Variants in DNAJA2 observed in about 807,000 individuals in gnomAD.
DNAJA2 encodes DnaJ heat shock protein family (Hsp40) member A2.
In DNAJA2, 6 loss-of-function variants were observed where a neutral mutation model predicts 49.3. The ratio of observed to expected loss-of-function variants is 0.12; its 90% CI spans 0.07 to 0.24. DNAJA2 has a LOEUF of 0.24. Among genes scored for constraint, DNAJA2 ranks in the 10% least tolerant of loss-of-function variants. DNAJA2 has a pLI of 1.00. For missense variants in DNAJA2, 347 were observed against 516.8 expected, an observed-to-expected ratio of 0.67 and a Z score of 3.19; for synonymous variants, 160 against 172.7, an observed-to-expected ratio of 0.93 and a Z score of 0.58.
At chr16:46,971,747 T>C in intron 2 of DNAJA2, 149 bp downstream of exon 2, 2 of 907,850 alleles carry the variant, frequency 2.2e-6, no homozygotes. Context: ...GTAGTACTCT[T>C]ATTCTAAAAC....
chr16:46,968,262 T>A, intron 3 of DNAJA2, 98 bp from the exon 4 acceptor site: 1 of 747,454 alleles, frequency 1.3e-6, no homozygotes, highest in Non-Finnish European at 2.2e-6. Context: ...TATCAACTTT[T>A]AAAACAGAAT....
chr16:46,957,092 A>G lies in DNAJA2; in HGVS notation c.1176T>C (p.Asn392=). The G allele has an allele frequency of 1.2e-6, 2 of 1,614,198 alleles. No individual in the cohort carries two copies. The highest frequency in any genetic ancestry group is 1.7e-6 in the Non-Finnish European group (2 of 1,180,054). Residue 392 remains asparagine (N), a synonymous_variant, in exon 9 of 9, where the codon AAT becomes AAC. Coordinates refer to ENST00000317089, the MANE Select transcript of DNAJA2 (RefSeq NM_005880.4). ...SGGGQRREAY[N]DSSDEESSSH... ...TGCTGCTTTCTTCATCAGAGCTATC[A>G]TTATAGGCTTCACGCCTCTGACCAC...
At position 46,960,566 on chromosome 16, in the gene DNAJA2, G is replaced by C. The variant is rs559412027; in HGVS notation, c.775-1147C>G. 3.2e-3 allele frequency among the ~76,000 whole-genome samples: 485 copies of C among 152,094 alleles called. 1 individual carries two copies. The highest frequency in any genetic ancestry group is 5.5e-3 in the Non-Finnish European group (375 of 67,998). On this transcript the variant is annotated intron_variant, in intron 6 of 8. Transcript: ENST00000317089. Reference sequence around the variant, plus strand: ...GAGGCCAAGGCAGGCGGATCACAAGGTCAGGAGTTCAAGACCAGCCTGGCC... The same window carrying C: ...GAGGCCAAGGCAGGCGGATCACAAGCTCAGGAGTTCAAGACCAGCCTGGCC...
At chr16:46,959,964 A>G (rs1049950772) in intron 6 of DNAJA2, among the ~76,000 whole-genome samples, 1 of 152,232 alleles carries the variant, frequency 6.6e-6, no homozygotes, top group Non-Finnish European at 1.5e-5. Flanking sequence ...TCAATATTAC[A>G]CTATAAGCCT....
At chr16:46,966,051 C>A (rs1323609054) in intron 5 of DNAJA2, among the ~76,000 whole-genome samples, 1 of 151,828 alleles carries the variant, frequency 6.6e-6, no homozygotes, top group Non-Finnish European at 1.5e-5. Context: ...TGGCAAAACC[C>A]CATCTCTACA....
At chr16:46,972,779 CAAT>C (rs1962072557) in intron 1 of DNAJA2, 1 of 152,240 alleles carries the variant, frequency 6.6e-6, no homozygotes, top group Non-Finnish European at 1.5e-5. Context: ...TTGCAAATAG[CAAT>C]AATAAGGCCT....
rs1292303066 is a variant in DNAJA2 at position 46,973,435 on chromosome 16, G to A, written c.78+60C>T. 6 of 1,490,708 alleles carry A rather than the reference G, an allele frequency of 4.0e-6. No homozygotes were observed. The African/African-American group carries it at 5.8e-5, about 14-fold the overall frequency. The allele number at this position is 1,490,708 out of a possible 1,614,324, so 92.3% of individuals were successfully genotyped here. ...CCAGTAGCGCGGCCTGGCTGAAGAA[G>A]ACATCCCTGGCCGCGCAGGCCCCGC... On this transcript the variant is annotated intron_variant, in intron 1 of 8. Coordinates refer to ENST00000317089, the MANE Select transcript of DNAJA2 (RefSeq NM_005880.4).
chr16:46,967,328 C>A (rs560414216), intron 5 of DNAJA2, among the ~76,000 whole-genome samples, 185 bp downstream of exon 5: 1 of 152,262 alleles, frequency 6.6e-6, no homozygotes, highest in South Asian at 2.1e-4. Context: ...AACTCCTGGG[C>A]TCGAGCAATC....
chr16:46,967,384 C>T (rs2055253051), intron 5 of DNAJA2, 129 bp downstream of exon 5: 4 of 1,228,492 alleles, frequency 3.3e-6, no homozygotes, highest in Admixed American at 2.7e-5. Flanking sequence ...TGAGCTAACG[C>T]ACCCGGCCTC....
At position 46,959,297 on chromosome 16, in the gene DNAJA2, G is replaced by A. The variant is rs753805726; in HGVS notation, c.897C>T (p.Pro299=). ...TACCTGGTTCAATTACTTTGCCAGG[G>A]GGGTATTTCACCACAATCTGACGTC... ...LDGRQIVVKY[P]PGKVIEPGCV... Residue 299 remains proline (P), a synonymous_variant, in exon 7 of 9, where the codon CCC becomes CCT. Coordinates refer to ENST00000317089, the MANE Select transcript of DNAJA2 (RefSeq NM_005880.4). 4 of 1,613,394 alleles carry A rather than the reference G, an allele frequency of 2.5e-6. No homozygotes were observed. Among genetic ancestry groups the A allele is most frequent in the Non-Finnish European group, 3.4e-6 (4 of 1,179,862 alleles).
intron 6 of DNAJA2, chr16:46,959,644 G>C: frequency 2.2e-6 from 1 of 464,860 alleles, no homozygotes; most frequent in South Asian, 3.3e-5. Flanking sequence ...GGTAAACAAT[G>C]GCATATATAA....
intron 6 of DNAJA2, among the ~76,000 whole-genome samples, chr16:46,961,795 G>A (rs1002458163): frequency 1.3e-5 from 2 of 151,648 alleles, no homozygotes; most frequent in African/African-American, 4.8e-5. Flanking sequence ...GATTAATGAG[G>A]AGGGACCACC....
rs552254057 is a variant in DNAJA2 at position 46,965,703 on chromosome 16, C to T, written c.578-896G>A. Reference sequence around the variant, plus strand: ...AAAATCAGCCGGGCGTGGTGGCAGGCGCCTGTAATCCCAGCTACTCAGGAG... The same window carrying T: ...AAAATCAGCCGGGCGTGGTGGCAGGTGCCTGTAATCCCAGCTACTCAGGAG... On this transcript the variant is annotated intron_variant, in intron 5 of 8. Transcript: ENST00000317089. Among the ~76,000 whole-genome samples the T allele has an allele frequency of 3.8e-4, 58 of 151,686 alleles. No individual in the cohort carries two copies. The South Asian group carries it at 0.012, about 31-fold the overall frequency.
At chr16:46,971,212 C>T (rs1654241108) in intron 3 of DNAJA2, 137 bp downstream of exon 3, 1 of 638,564 alleles carries the variant, frequency 1.6e-6, no homozygotes, top group Admixed American at 3.5e-5. Flanking sequence ...TCAATTTAGT[C>T]ACCAAAAGAA....
In DNAJA2 at chr16:46,957,197, A is replaced by C; in HGVS notation, c.1071T>G (p.Ser357=). The change falls in exon 9 of 9, where the codon TCT becomes TCG. Residue 357 remains serine (S), a synonymous_variant. Coordinates refer to ENST00000317089, the MANE Select transcript of DNAJA2 (RefSeq NM_005880.4). ...KLSELEDLLP[S]RPEVPNIIGE... is the part of the protein sequence containing the mutation. ...CAATTATGTTAGGAACTTCCGGTCTAGATGGCAGAAGATCTTCTAGTTCCT... is the reference window on the plus strand; with the variant it reads ...CAATTATGTTAGGAACTTCCGGTCTCGATGGCAGAAGATCTTCTAGTTCCT... The C allele has an allele frequency of 6.2e-7, 1 of 1,603,558 alleles. No individual in the cohort carries two copies. Among genetic ancestry groups the C allele is most frequent in the Non-Finnish European group, 8.5e-7 (1 of 1,175,886 alleles).
chr16:46,965,295 C>T (rs1257052164), intron 5 of DNAJA2, among the ~76,000 whole-genome samples: 2 of 152,182 alleles, frequency 1.3e-5, no homozygotes, highest in African/African-American at 4.8e-5. Context: ...CAGCTTCCCA[C>T]TATTTCAGAA....
At chr16:46,969,314 AC>A (rs1167938552) in intron 3 of DNAJA2, among the ~76,000 whole-genome samples, 1 of 152,234 alleles carries the variant, frequency 6.6e-6, no homozygotes, top group Non-Finnish European at 1.5e-5. Flanking sequence ...ACAAAACATT[AC>A]CAACAACACT....
At chr16:46,966,741 T>C (rs917453996) in intron 5 of DNAJA2, among the ~76,000 whole-genome samples, 3 of 152,180 alleles carry the variant, frequency 2.0e-5, no homozygotes, top group African/African-American at 7.2e-5. Flanking sequence ...ACAGCTTCAA[T>C]CTCAAGATCA....
intron 5 of DNAJA2, among the ~76,000 whole-genome samples, chr16:46,966,096 C>T (rs1336958449): frequency 1.3e-5 from 2 of 152,044 alleles, no homozygotes; most frequent in Non-Finnish European, 2.9e-5. Context: ...TGGTGGCAAG[C>T]ACCTATGGTC....
Sources: gnomAD v4.1 joint callset for allele counts (sites outside exome capture counted in the v4.1 genomes callset) on GRCh38, gnomAD v4.1.1 for gene constraint, MANE v1.5 for transcripts, NCBI Gene and HGNC (gene_info 2026-07-23, HGNC 2026-07-21) for gene names.